The following NLRP1 variants were observed in gnomAD, a reference collection of about 807,000 sequenced individuals.
The protein encoded by NLRP1 is NACHT, LRR and PYD domains-containing protein 1.
NLRP1 carries 94 observed loss-of-function variants against 136.7 expected under a neutral mutation model. That is an observed-to-expected ratio of 0.69 (90% confidence interval 0.58 to 0.82). The LOEUF (loss-of-function observed/expected upper bound fraction) is 0.82, where lower values mean the gene tolerates loss of function less well. Among genes scored for constraint, NLRP1 ranks in the 40% least tolerant of loss-of-function variants. The pLI is 0.00. For synonymous variants in NLRP1, 690 were observed against 725.1 expected, an observed-to-expected ratio of 0.95 and a Z score of 0.78; for missense variants, 1,575 against 1,802.7, an observed-to-expected ratio of 0.87 and a Z score of 2.29.
At chr17:5,572,430 A>T (rs1479327195) in intron 3 of NLRP1, among the ~76,000 whole-genome samples, 1 of 152,200 alleles carries the variant, frequency 6.6e-6, no homozygotes, top group Non-Finnish European at 1.5e-5. Flanking sequence ...TAAAAAGTGG[A>T]CAAATGGCCA....
chr17:5,529,155 T>C (rs1909911955), intron 12 of NLRP1, among the ~76,000 whole-genome samples: 2 of 152,168 alleles, frequency 1.3e-5, no homozygotes. Context: ...CTAATCTTGA[T>C]TTTTTCTCTC....
chr17:5,526,037 C>A (rs947536374), intron 12 of NLRP1, among the ~76,000 whole-genome samples: 2 of 151,254 alleles, frequency 1.3e-5, no homozygotes, highest in Non-Finnish European at 2.9e-5. Context: ...GTGCAGTGCA[C>A]GATCATGACT....
chr17:5,502,235 TGAG>T (rs1392820389), intron 15 of NLRP1: 6 of 237,220 alleles, frequency 2.5e-5, no homozygotes, highest in Admixed American at 4.9e-5. Flanking sequence ...GTTGGCTGGA[TGAG>T]GAGAAGATGG....
At chr17:5,505,687 C>T (rs1013907707) in intron 15 of NLRP1, 1 of 152,400 alleles carries the variant, frequency 6.6e-6, no homozygotes, top group African/African-American at 2.4e-5. Flanking sequence ...CACACCCTAT[C>T]GCAGGCCCAG....
At chr17:5,573,086 G>C (rs2151820428) in intron 3 of NLRP1, among the ~76,000 whole-genome samples, 1 of 152,320 alleles carries the variant, frequency 6.6e-6, no homozygotes, top group East Asian at 1.9e-4. Flanking sequence ...AGCTGTGACA[G>C]ATGGCACCTG....
At chr17:5,561,443 T>G (rs1914737393) in intron 3 of NLRP1, among the ~76,000 whole-genome samples, 2 of 39,798 alleles carry the variant, frequency 5.0e-5, no homozygotes, top group African/African-American at 9.9e-5. Context: ...TTTTTTTTTT[T>G]TTTTTTTTTT....
intron 3 of NLRP1, among the ~76,000 whole-genome samples, chr17:5,574,955 C>T (rs751842620): frequency 1.2e-4 from 19 of 152,044 alleles, no homozygotes; most frequent in South Asian, 8.3e-4. Context: ...TGAGCCACCA[C>T]GCCTGGCAAT....
At chr17:5,576,571 A>G (rs1412258438) in intron 3 of NLRP1, among the ~76,000 whole-genome samples, 1 of 152,218 alleles carries the variant, frequency 6.6e-6, no homozygotes, top group Non-Finnish European at 1.5e-5. Flanking sequence ...CCAAGACTAA[A>G]CCAGGAAGAA....
At chr17:5,561,766 T>C (rs1352784546) in intron 3 of NLRP1, among the ~76,000 whole-genome samples, 1 of 152,216 alleles carries the variant, frequency 6.6e-6, no homozygotes, top group Admixed American at 6.5e-5. Context: ...ATACTTGCCA[T>C]GAAACTGTTC....
intron 6 of NLRP1, among the ~76,000 whole-genome samples, chr17:5,540,266 T>A (rs1371387314): frequency 6.6e-6 from 1 of 152,212 alleles, no homozygotes; most frequent in East Asian, 1.9e-4. Flanking sequence ...TGGGACCATC[T>A]CCAAGATATA....
intron 5 of NLRP1, among the ~76,000 whole-genome samples, chr17:5,543,314 G>A (rs908487102): frequency 6.6e-6 from 1 of 152,240 alleles, no homozygotes; most frequent in Admixed American, 6.5e-5. Flanking sequence ...TTAAATGAGT[G>A]ATTCACTGAG....
chr17:5,508,571 C>T (rs187116399), intron 15 of NLRP1, among the ~76,000 whole-genome samples: 6 of 152,260 alleles, frequency 3.9e-5, no homozygotes, highest in African/African-American at 4.8e-5. Flanking sequence ...TGCAGAAAGA[C>T]GTGTATTGCA....
chr17:5,559,668 A>T lies in NLRP1; in HGVS notation c.1028T>A (p.Leu343Gln), dbSNP rs1225786061. The T allele has an allele frequency of 6.2e-7, 1 of 1,614,206 alleles. No homozygotes were observed. The highest frequency in any genetic ancestry group is 1.7e-5 in the Admixed American group (1 of 60,026). Residue 343 changes from leucine (L) to glutamine (Q), a missense_variant, in exon 4 of 17, where the codon CTG becomes CAG. Leu to Gln is a moderately radical substitution (Grantham distance 113). Transcript: ENST00000572272. The part of the protein sequence containing the change: ...QGAAGIGKST[L>Q]ARQVKEAWGR... ...CCAGGCTTCCTTCACCTGCCTGGCC[A>T]GTGTTGACTTCCCAATTCCAGCAGC...
chr17:5,534,838 T>G (rs1479344057), intron 8 of NLRP1, among the ~76,000 whole-genome samples: 1 of 151,544 alleles, frequency 6.6e-6, no homozygotes, highest in African/African-American at 2.4e-5. Context: ...CACCCTCCAA[T>G]GTCACCTGGG....
chr17:5,535,904 G>A (rs929973225), intron 8 of NLRP1, among the ~76,000 whole-genome samples: 1 of 152,188 alleles, frequency 6.6e-6, no homozygotes, highest in Non-Finnish European at 1.5e-5. Flanking sequence ...TGCCCCTCAA[G>A]TCAGGGGTGT....
At chr17:5,535,622 G>C (rs543517670) in intron 8 of NLRP1, among the ~76,000 whole-genome samples, 79 of 152,334 alleles carry the variant, frequency 5.2e-4, no homozygotes, top group African/African-American at 1.9e-3. Context: ...CCTGGAGGTT[G>C]GGTTGTGTCT....
At chr17:5,549,534 C>A (rs569451110) in intron 5 of NLRP1, among the ~76,000 whole-genome samples, 188 of 152,304 alleles carry the variant, frequency 1.2e-3, no homozygotes, top group African/African-American at 4.3e-3. Flanking sequence ...CCCACCTCAG[C>A]CTCCCAAAGT....
At chr17:5,518,311 A>C (rs1323708051) in intron 14 of NLRP1, 5 of 169,538 alleles carry the variant, frequency 2.9e-5, no homozygotes, top group Non-Finnish European at 5.1e-5. Flanking sequence ...TCTTCCAAAC[A>C]TGCTCCCTTT....
intron 5 of NLRP1, 46 bp from the exon 6 acceptor site, chr17:5,542,073 AT>A (rs1567647873): frequency 6.4e-7 from 1 of 1,572,446 alleles, no homozygotes; most frequent in South Asian, 1.1e-5. Flanking sequence ...TCACCTGTTG[AT>A]TCAACAGACA....
Sources: gnomAD v4.1 joint callset for allele counts (sites outside exome capture counted in the v4.1 genomes callset) on GRCh38, gnomAD v4.1.1 for gene constraint, MANE v1.5 for transcripts, NCBI Gene and HGNC (gene_info 2026-07-23, HGNC 2026-07-21) for gene names.